Variants in MED13 observed in about 807,000 individuals in gnomAD.
MED13 encodes mediator of RNA polymerase II transcription subunit 13.
A neutral mutation model predicts 225.2 loss-of-function variants in MED13; 23 were observed. The observed-to-expected ratio is 0.10, with a 90% confidence interval of 0.07 to 0.14. The LOEUF (loss-of-function observed/expected upper bound fraction) is 0.14, where lower values mean the gene tolerates loss of function less well. Ranked by LOEUF, MED13 falls within the 10% of genes least tolerant of loss-of-function variation. The probability of loss-of-function intolerance (pLI) is 1.00; values close to 1 mark genes in which losing one functional copy is unlikely to be tolerated. For synonymous variants in MED13, 942 were observed against 889.2 expected (o/e 1.06, Z -1.06); for missense variants, 2,197 against 2,594.5 (o/e 0.85, Z 3.33).
intron 9 of MED13, among the ~76,000 whole-genome samples, chr17:61,996,188 A>G (rs1567966920): frequency 6.6e-6 from 1 of 152,212 alleles, no homozygotes; most frequent in Non-Finnish European, 1.5e-5. Flanking sequence ...AAGCTGATCT[A>G]TACCAAAGAA....
chr17:62,028,078 C>G (rs1213023510), intron 8 of MED13, among the ~76,000 whole-genome samples: 1 of 152,168 alleles, frequency 6.6e-6, no homozygotes, highest in African/African-American at 2.4e-5. Flanking sequence ...ATAAATCATT[C>G]TACCATAAAG....
At chr17:62,031,804 T>C (rs1055663423) in intron 5 of MED13, among the ~76,000 whole-genome samples, 166 bp from the exon 6 acceptor site, 2 of 151,846 alleles carry the variant, frequency 1.3e-5, no homozygotes, top group African/African-American at 2.4e-5. Flanking sequence ...TTCTTTTTTT[T>C]TTTTCTCTTT....
chr17:62,058,663 T>A (rs1261120090), intron 2 of MED13, among the ~76,000 whole-genome samples: 2 of 151,564 alleles, frequency 1.3e-5, no homozygotes, highest in African/African-American at 2.4e-5. Flanking sequence ...AAGCAAAAAG[T>A]AAGAAAATCA....
chr17:62,038,078 T>C (rs747842047), intron 3 of MED13, among the ~76,000 whole-genome samples: 4 of 151,388 alleles, frequency 2.6e-5, no homozygotes, highest in Non-Finnish European at 5.9e-5. Context: ...AGTTTTCAAC[T>C]GTTTCATTTC....
At chr17:61,951,319 T>C (rs1459234363) in intron 27 of MED13, among the ~76,000 whole-genome samples, 1 of 152,216 alleles carries the variant, frequency 6.6e-6, no homozygotes, top group South Asian at 2.1e-4. Flanking sequence ...CTTTAACTTT[T>C]TTGCTAATAT....
At position 62,062,599 on chromosome 17, in the gene MED13, A is replaced by C. The variant is rs751791875; in HGVS notation, c.301+468T>G. On this transcript the variant is annotated intron_variant, in intron 2 of 29. Coordinates refer to ENST00000397786, the MANE Select transcript of MED13 (RefSeq NM_005121.3). ...TTAAAACACACACACACACACACACACCACACACACACACACACACACACA... is the reference window on the plus strand; with the variant it reads ...TTAAAACACACACACACACACACACCCCACACACACACACACACACACACA... Among the ~76,000 whole-genome samples the C allele has an allele frequency of 4.0e-3, 167 of 42,098 alleles. 1 individual carries two copies. The highest frequency in any genetic ancestry group is 5.8e-3 in the African/African-American group (50 of 8,676). 27.6% of individuals were successfully genotyped at this position (42,098 alleles called of 152,430 possible).
At chr17:62,032,087 T>G (rs1367116428) in intron 5 of MED13, among the ~76,000 whole-genome samples, 1 of 152,042 alleles carries the variant, frequency 6.6e-6, no homozygotes, top group Admixed American at 6.6e-5. Flanking sequence ...TGTGTGTTTT[T>G]TCTGTTTCTG....
At chr17:62,015,515 A>G (rs957573858) in intron 8 of MED13, among the ~76,000 whole-genome samples, 2 of 152,074 alleles carry the variant, frequency 1.3e-5, no homozygotes, top group Non-Finnish European at 2.9e-5. Context: ...ACCTACATAC[A>G]TAAGAGGGGA....
intron 3 of MED13, among the ~76,000 whole-genome samples, chr17:62,048,070 A>ATATG (rs2080918000): frequency 2.7e-5 from 4 of 146,372 alleles, no homozygotes; most frequent in Non-Finnish European, 6.0e-5. Flanking sequence ...ATATGTATAT[A>ATATG]TGTATATATA....
At chr17:62,014,330 A>T (rs1039976893) in intron 8 of MED13, among the ~76,000 whole-genome samples, 6 of 149,152 alleles carry the variant, frequency 4.0e-5, no homozygotes, top group African/African-American at 7.6e-5. Context: ...ATATATATAT[A>T]TTTTGAGACA....
At chr17:62,002,745 T>C (rs1053268443) in intron 9 of MED13, among the ~76,000 whole-genome samples, 20 of 152,202 alleles carry the variant, frequency 1.3e-4, no homozygotes, top group Admixed American at 2.6e-4. Context: ...TAAAAGACCA[T>C]GTCAAGTATC....
chr17:62,010,846 A>C lies in MED13; in HGVS notation c.1671T>G (p.Ser557Arg). Residue 557 changes from serine (S) to arginine (R), a missense_variant, in exon 9 of 30, where the codon AGT becomes AGG. This residue lies in a region of MED13 where 884 missense variants were observed against 918.5 expected (regional missense o/e 0.96). Coordinates refer to ENST00000397786, the MANE Select transcript of MED13 (RefSeq NM_005121.3). ...GTGTTGGCATTTGATAAAAATGTTG[A>C]CTCTGAGGAGTTGAAGGTGTTTTAG... ...GVTKTPSTPQSQHFYQMPTPD... is the reference protein window; with the variant it reads ...GVTKTPSTPQRQHFYQMPTPD... The C allele has an allele frequency of 6.2e-7, 1 of 1,614,194 alleles. No homozygotes were observed. The highest frequency in any genetic ancestry group is 8.5e-7 in the Non-Finnish European group (1 of 1,180,036).
intron 12 of MED13, 110 bp downstream of exon 12, chr17:61,986,897 T>G (rs2080252531): frequency 1.7e-6 from 1 of 593,558 alleles, no homozygotes; most frequent in Non-Finnish European, 2.6e-6. Context: ...TATTTCCTAT[T>G]GTTCAGGGCT....
Position 62,023,017 on chromosome 17 carries a change from A to G in MED13, c.1283+6524T>C, listed in dbSNP as rs80178881. On this transcript the variant is annotated intron_variant, in intron 8 of 29. Coordinates refer to ENST00000397786, the MANE Select transcript of MED13 (RefSeq NM_005121.3). ...ACAGCTAGTCTCTAAAAAAATAATAATATTTATGTGTTGAGAGGAGAATAC... is the reference window on the plus strand; with the variant it reads ...ACAGCTAGTCTCTAAAAAAATAATAGTATTTATGTGTTGAGAGGAGAATAC... 2.6e-5 allele frequency among the ~76,000 whole-genome samples: 4 copies of G among 152,262 alleles called. No homozygotes were observed. The East Asian group carries it at 5.8e-4, about 22-fold the overall frequency.
intron 16 of MED13, among the ~76,000 whole-genome samples, chr17:61,981,053 A>C (rs2080200084): frequency 8.0e-6 from 1 of 125,536 alleles, no homozygotes; most frequent in African/African-American, 3.1e-5. Context: ...TGGGAGTTTC[A>C]CTCCTGTTGC....
intron 8 of MED13, chr17:62,029,280 T>A (rs904941649): frequency 2.1e-6 from 1 of 484,316 alleles, no homozygotes; most frequent in African/African-American, 1.9e-5. Context: ...CATAGCTCCA[T>A]ATAAAATTGT....
intron 2 of MED13, among the ~76,000 whole-genome samples, chr17:62,060,625 A>G (rs868167796): frequency 3.7e-4 from 55 of 148,106 alleles, no homozygotes; most frequent in African/African-American, 1.3e-3. Flanking sequence ...AGCCCGCGGG[A>G]CAGAATGAGA....
chr17:62,043,864 T>G (rs908689490), intron 3 of MED13, among the ~76,000 whole-genome samples: 18 of 151,564 alleles, frequency 1.2e-4, no homozygotes, highest in African/African-American at 4.4e-4. Flanking sequence ...ATACATTTAG[T>G]TTTTTTTTAG....
chr17:62,038,916 C>A (rs925403936), intron 3 of MED13, among the ~76,000 whole-genome samples: 2 of 152,148 alleles, frequency 1.3e-5, no homozygotes, highest in Admixed American at 6.5e-5. Context: ...CTCAAGCAAT[C>A]CCTCCACCTT....
Sources: gnomAD v4.1 joint callset for allele counts (sites outside exome capture counted in the v4.1 genomes callset) on GRCh38, gnomAD v4.1.1 for gene constraint, gnomAD v4.1.1 regional missense constraint, MANE v1.5 for transcripts, NCBI Gene and HGNC (gene_info 2026-07-23, HGNC 2026-07-21) for gene names.